The following MACROD2 variants were observed in gnomAD, a reference collection of about 807,000 sequenced individuals.
MACROD2 encodes the protein ADP-ribose glycohydrolase MACROD2.
MACROD2 carries 36 observed loss-of-function variants against 70.4 expected under a neutral mutation model. The observed-to-expected ratio is 0.51, with a 90% CI of 0.39 to 0.68. The LOEUF is 0.68. Ranked by LOEUF, MACROD2 falls within the 30% of genes least tolerant of loss-of-function variation. The pLI is 0.00. For synonymous variants in MACROD2, 172 were observed against 178.8 expected (o/e 0.96, Z 0.30); for missense variants, 496 against 538.4 (o/e 0.92, Z 0.78).
intron 5 of MACROD2, among the ~76,000 whole-genome samples, chr20:15,073,564 G>T (rs968766785): frequency 3.3e-5 from 5 of 151,474 alleles, no homozygotes; most frequent in African/African-American, 1.2e-4. Context: ...ATGCTTTAGA[G>T]AAATCACTTC....
At chr20:15,167,124 G>A (rs1209240433) in intron 5 of MACROD2, among the ~76,000 whole-genome samples, 2 of 151,968 alleles carry the variant, frequency 1.3e-5, no homozygotes, top group South Asian at 2.1e-4. Flanking sequence ...GTTCAACAGA[G>A]TTTCTGGGTT....
At chr20:14,315,883 C>T (rs1045144615) in intron 3 of MACROD2, among the ~76,000 whole-genome samples, 2 of 152,170 alleles carry the variant, frequency 1.3e-5, no homozygotes, top group Non-Finnish European at 2.9e-5. Context: ...TAAATATGTA[C>T]CTCTTATACC....
intron 3 of MACROD2, among the ~76,000 whole-genome samples, chr20:14,233,185 G>T (rs567236452): frequency 6.6e-6 from 1 of 152,164 alleles, no homozygotes; most frequent in East Asian, 1.9e-4. Context: ...CACCATAAGA[G>T]ATAAAATAAT....
At chr20:14,489,907 CTGGAGTGCAG>C (rs2084776020) in intron 3 of MACROD2, among the ~76,000 whole-genome samples, 1 of 150,108 alleles carries the variant, frequency 6.7e-6, no homozygotes, top group Non-Finnish European at 1.5e-5. Flanking sequence ...GTTGTCCAGG[CTGGAGTGCAG>C]TGGCACAATC....
chr20:15,174,452 C>T (rs933734080), intron 5 of MACROD2, among the ~76,000 whole-genome samples: 13 of 152,036 alleles, frequency 8.6e-5, no homozygotes, highest in East Asian at 3.9e-4. Flanking sequence ...TGAATAGTGC[C>T]GCAATAAACA....
intron 4 of MACROD2, chr20:14,631,921 A>G (rs1600480275): frequency 2.6e-5 from 4 of 152,342 alleles, no homozygotes; most frequent in African/African-American, 9.6e-5. Flanking sequence ...TGAGCATGCC[A>G]GTTGGACTCT....
chr20:15,545,743 T>C (rs2048017465), intron 8 of MACROD2, among the ~76,000 whole-genome samples: 1 of 152,130 alleles, frequency 6.6e-6, no homozygotes, highest in South Asian at 2.1e-4. Context: ...ATTTAATCAA[T>C]ACCTAGCTTT....
At chr20:15,736,265 G>A (rs1361410719) in intron 8 of MACROD2, among the ~76,000 whole-genome samples, 1 of 152,174 alleles carries the variant, frequency 6.6e-6, no homozygotes, top group East Asian at 1.9e-4. Flanking sequence ...AGAATTCAAA[G>A]GACTCTAGAG....
At chr20:14,881,205 G>A (rs1241016923) in intron 5 of MACROD2, among the ~76,000 whole-genome samples, 1 of 151,294 alleles carries the variant, frequency 6.6e-6, no homozygotes. Context: ...TCTTCCTGCT[G>A]GAATTACAGA....
At chr20:14,220,820 G>T (rs1430442280) in intron 3 of MACROD2, among the ~76,000 whole-genome samples, 3 of 152,220 alleles carry the variant, frequency 2.0e-5, no homozygotes, top group Admixed American at 1.3e-4. Flanking sequence ...GTGTTCAGGA[G>T]AGGAGGGTCT....
intron 5 of MACROD2, among the ~76,000 whole-genome samples, chr20:14,778,887 T>C (rs543739775): frequency 6.6e-6 from 1 of 152,066 alleles, no homozygotes; most frequent in African/African-American, 2.4e-5. Context: ...TGAGGGAAGC[T>C]CCAAAAGTCA....
At chr20:15,698,791 C>A (rs980505966) in intron 8 of MACROD2, among the ~76,000 whole-genome samples, 1 of 151,982 alleles carries the variant, frequency 6.6e-6, no homozygotes, top group Non-Finnish European at 1.5e-5. Flanking sequence ...TTTACTTTGT[C>A]TTTGTTGTGG....
rs940550071 is a variant in MACROD2 at position 15,765,513 on chromosome 20, G to A, written c.646-97232G>A. On this transcript the variant is annotated intron_variant, in intron 8 of 17. Coordinates refer to ENST00000684519, the MANE Select transcript of MACROD2 (RefSeq NM_001351661.2). The stretch of plus-strand genomic sequence containing the variant: ...TCAGGTTTGTAAATGTGTAGAAAAT[G>A]GCACAAGCAAACTGAAATGATACAT... Among the ~76,000 whole-genome samples the A allele has an allele frequency of 6.6e-5, 10 of 152,280 alleles. No homozygotes were observed. The South Asian group carries it at 2.1e-3, about 32-fold the overall frequency.
chr20:15,330,954 C>G (rs771698583), intron 6 of MACROD2, among the ~76,000 whole-genome samples: 1 of 151,650 alleles, frequency 6.6e-6, no homozygotes, highest in Non-Finnish European at 1.5e-5. Context: ...ATAAAAGCCT[C>G]TACGTGCACT....
chr20:15,336,382 A>G (rs2078048528), intron 6 of MACROD2, among the ~76,000 whole-genome samples: 1 of 128,638 alleles, frequency 7.8e-6, no homozygotes, highest in Non-Finnish European at 1.7e-5. Context: ...ACCAAAAAAA[A>G]AAAAGAAAAA....
chr20:15,643,175 C>T (rs770342447), intron 8 of MACROD2, among the ~76,000 whole-genome samples: 2 of 152,192 alleles, frequency 1.3e-5, no homozygotes, highest in Admixed American at 6.5e-5. Context: ...AGCTGTTCAA[C>T]GTTCTCTACA....
intron 5 of MACROD2, among the ~76,000 whole-genome samples, chr20:15,024,504 A>G (rs1345659466): frequency 6.8e-6 from 1 of 146,020 alleles, no homozygotes; most frequent in Non-Finnish European, 1.5e-5. Flanking sequence ...AGGGTTTCAA[A>G]TGTGTTAGCA....
At chr20:14,525,108 A>G (rs1998104) in intron 4 of MACROD2, among the ~76,000 whole-genome samples, 124,619 of 152,100 alleles carry the variant, frequency 0.82, 51,464 homozygotes, top group East Asian at 1. Flanking sequence ...ATTTGGTTTC[A>G]AAATACTACA....
At chr20:15,360,461 C>T (rs2078339008) in intron 6 of MACROD2, among the ~76,000 whole-genome samples, 1 of 152,032 alleles carries the variant, frequency 6.6e-6, no homozygotes. Flanking sequence ...TAAAATAAGT[C>T]ACTAAATGAG....
Sources: gnomAD v4.1 joint callset for allele counts (sites outside exome capture counted in the v4.1 genomes callset) on GRCh38, gnomAD v4.1.1 for gene constraint, MANE v1.5 for transcripts, NCBI Gene and HGNC (gene_info 2026-07-23, HGNC 2026-07-21) for gene names.